HERC3: variants seen among roughly 807,000 people sequenced by gnomAD.
The protein encoded by HERC3 is HECT and RLD domain containing E3 ubiquitin protein ligase 3, also known as probable E3 ubiquitin-protein ligase HERC3.
In HERC3, 58 loss-of-function variants were observed where a neutral mutation model predicts 129.9. That is an observed-to-expected ratio of 0.45 (90% CI 0.36 to 0.56). The LOEUF is 0.56. Ranked by LOEUF, HERC3 falls within the 20% of genes least tolerant of loss-of-function variation. The pLI is 0.00. For missense variants in HERC3, 835 were observed against 1,244.2 expected (o/e 0.67, Z 4.95); for synonymous variants, 430 against 451.0 (o/e 0.95, Z 0.59).
intron 3 of HERC3, among the ~76,000 whole-genome samples, chr4:88,609,669 A>C (rs1479090245): frequency 6.6e-6 from 1 of 152,214 alleles, no homozygotes; most frequent in East Asian, 1.9e-4. Context: ...ATGATAAAGA[A>C]GACACCACAA....
chr4:88,587,881 C>T (rs1721571992), upstream of HERC3, among the ~76,000 whole-genome samples: 1 of 152,186 alleles, frequency 6.6e-6, no homozygotes, highest in South Asian at 2.1e-4. Flanking sequence ...TTTGCCAGTC[C>T]AGTCATAGTG....
intron 3 of HERC3, among the ~76,000 whole-genome samples, chr4:88,640,307 A>T (rs1727934552): frequency 6.6e-6 from 1 of 152,224 alleles, no homozygotes; most frequent in Non-Finnish European, 1.5e-5. Context: ...TACAATAGCA[A>T]AGACATGGAA....
chr4:88,602,310 G>A (rs1723084118), intron 2 of HERC3, among the ~76,000 whole-genome samples: 1 of 148,332 alleles, frequency 6.7e-6, no homozygotes, highest in South Asian at 2.1e-4. Context: ...ACTGAGGCAG[G>A]AGAATTACTT....
intron 12 of HERC3, among the ~76,000 whole-genome samples, chr4:88,666,647 A>G (rs912976945): frequency 1.3e-5 from 2 of 152,214 alleles, no homozygotes; most frequent in Non-Finnish European, 2.9e-5. Context: ...CTGCTTTGCA[A>G]ATAGATAGCT....
chr4:88,594,564 C>T (rs937970361), intron 1 of HERC3, among the ~76,000 whole-genome samples: 2 of 152,130 alleles, frequency 1.3e-5, no homozygotes, highest in Admixed American at 1.3e-4. Flanking sequence ...CCACCATGCC[C>T]AGCTAATTTT....
intron 3 of HERC3, among the ~76,000 whole-genome samples, chr4:88,644,775 A>T (rs908221917): frequency 2.0e-5 from 3 of 152,164 alleles, no homozygotes; most frequent in Admixed American, 1.3e-4. Context: ...ATAATTAAAA[A>T]TTTTTTGAAG....
At chr4:88,535,131 A>G in the HERC3 span, among the ~76,000 whole-genome samples, 5 of 152,286 alleles carry the variant, frequency 3.3e-5, no homozygotes, top group African/African-American at 1.2e-4. Flanking sequence ...AGTCCTGAGT[A>G]TTTTTATTGA....
At chr4:88,606,162 T>C in intron 3 of HERC3, 113 bp downstream of exon 3, 1 of 775,238 alleles carries the variant, frequency 1.3e-6, no homozygotes, top group Non-Finnish European at 2.1e-6. Context: ...TCAGGGAGGC[T>C]CTTTTGAACG....
rs778296831 is a variant in HERC3, at chr4:88,670,293, T to A, written c.1911+41T>A. On this transcript the variant is annotated intron_variant, in intron 16 of 25. Transcript: ENST00000402738. ...GCATATTTTAAAGCTTTAGTCTTTT[T>A]ATAAGAAAAGCACATGTGAGCTGTA... 4 of 1,356,234 alleles carry A rather than the reference T, an allele frequency of 2.9e-6. No homozygotes were observed. In the African/African-American group the frequency reaches 5.8e-5, roughly 19 times the overall value. The allele number at this position is 1,356,234 out of a possible 1,614,324, so 84.0% of individuals were successfully genotyped here. A position where few individuals can be genotyped will look rare whatever the true frequency, so the allele number is the denominator to read the frequency against.
intron 23 of HERC3, chr4:88,697,256 C>A: frequency 6.4e-7 from 1 of 1,558,864 alleles, no homozygotes; most frequent in Non-Finnish European, 8.7e-7. Flanking sequence ...TCATGTTTGG[C>A]CCCCGCGGCA....
intron 11 of HERC3, among the ~76,000 whole-genome samples, chr4:88,663,588 C>A (rs1243444090): frequency 6.6e-6 from 1 of 152,218 alleles, no homozygotes; most frequent in East Asian, 1.9e-4. Context: ...CTTTTCCTTA[C>A]ACTGAATGGA....
At chr4:88,672,518 CAT>C (rs1296066807) in intron 16 of HERC3, among the ~76,000 whole-genome samples, 1 of 152,056 alleles carries the variant, frequency 6.6e-6, no homozygotes, top group Non-Finnish European at 1.5e-5. Flanking sequence ...AAAGCTATTT[CAT>C]ATGTTATTTT....
the HERC3 span, among the ~76,000 whole-genome samples, chr4:88,544,275 C>G: frequency 6.6e-6 from 1 of 152,188 alleles, no homozygotes; most frequent in Non-Finnish European, 1.5e-5. Flanking sequence ...TGAACAGACA[C>G]TTCTCAAAAG....
chr4:88,593,395 A>G (rs1721967895), intron 1 of HERC3: 1 of 152,398 alleles, frequency 6.6e-6, no homozygotes, highest in Non-Finnish European at 1.5e-5. Context: ...AACCAGACCG[A>G]GAGGAGCATG....
At chr4:88,543,703 T>C in the HERC3 span, among the ~76,000 whole-genome samples, 2 of 152,144 alleles carry the variant, frequency 1.3e-5, no homozygotes, top group Non-Finnish European at 2.9e-5. Flanking sequence ...AACAGCATGG[T>C]ACTGGCACCA....
At chr4:88,622,020 A>G (rs1391858758) in intron 3 of HERC3, among the ~76,000 whole-genome samples, 1 of 152,222 alleles carries the variant, frequency 6.6e-6, no homozygotes, top group Non-Finnish European at 1.5e-5. Context: ...TGATTTACCC[A>G]TTTAACATGT....
intron 2 of HERC3, among the ~76,000 whole-genome samples, chr4:88,600,176 G>T (rs769024241): frequency 2.6e-4 from 39 of 152,140 alleles, no homozygotes; most frequent in Non-Finnish European, 4.9e-4. Flanking sequence ...AATATTATCA[G>T]TCAGGAGTTT....
chr4:88,569,772 G>A, the HERC3 span, among the ~76,000 whole-genome samples: 3 of 152,172 alleles, frequency 2.0e-5, no homozygotes, highest in Non-Finnish European at 4.4e-5. Context: ...GAGGATTTCC[G>A]TGTATGCAAG....
intron 3 of HERC3, among the ~76,000 whole-genome samples, chr4:88,633,553 A>G (rs569431769): frequency 6.6e-6 from 1 of 152,218 alleles, no homozygotes; most frequent in Admixed American, 6.5e-5. Flanking sequence ...TATAGTAGAA[A>G]ACACAATAGA....
Sources: gnomAD v4.1 joint callset for allele counts (sites outside exome capture counted in the v4.1 genomes callset) on GRCh38, gnomAD v4.1.1 for gene constraint, MANE v1.5 for transcripts, NCBI Gene and HGNC (gene_info 2026-07-23, HGNC 2026-07-21) for gene names.